Variants in CLIC5 observed in about 807,000 individuals in gnomAD.
The protein encoded by CLIC5 is CLIC family member 5.
In CLIC5, 20 loss-of-function variants were observed where a neutral mutation model predicts 24.7. The observed-to-expected ratio is 0.81, with a 90% confidence interval of 0.57 to 1.18. The LOEUF (loss-of-function observed/expected upper bound fraction) is 1.18, where lower values mean the gene tolerates loss of function less well. Ranked by LOEUF, CLIC5 falls within the 50% of genes most tolerant of loss-of-function variation. The pLI, the probability that CLIC5 is intolerant of heterozygous loss-of-function variation, is 0.00. For missense variants in CLIC5, 341 were observed against 326.1 expected, an observed-to-expected ratio of 1.05 and a Z score of -0.35; for synonymous variants, 159 against 135.6, an observed-to-expected ratio of 1.17 and a Z score of -1.20.
intron 1 of CLIC5, among the ~76,000 whole-genome samples, chr6:46,057,135 C>A (rs1202264750): frequency 6.6e-6 from 1 of 152,178 alleles, no homozygotes; most frequent in Non-Finnish European, 1.5e-5. Flanking sequence ...TCTGAGCCTG[C>A]TAATTGGTCT....
intron 5 of CLIC5, among the ~76,000 whole-genome samples, chr6:45,907,700 C>T (rs985680695): frequency 1.3e-5 from 2 of 152,062 alleles, no homozygotes; most frequent in African/African-American, 4.8e-5. Flanking sequence ...GATTCAATTT[C>T]ATAACTCAAT....
intron 1 of CLIC5, among the ~76,000 whole-genome samples, chr6:46,004,599 A>C (rs1041167039): frequency 6.6e-6 from 1 of 152,214 alleles, no homozygotes; most frequent in Non-Finnish European, 1.5e-5. Context: ...TTGTTGTTTC[A>C]GCAGTTGACC....
At chr6:45,976,103 C>G (rs989219104) in intron 1 of CLIC5, among the ~76,000 whole-genome samples, 2 of 152,060 alleles carry the variant, frequency 1.3e-5, no homozygotes, top group Non-Finnish European at 2.9e-5. Context: ...CAAATGAGAC[C>G]ATGTGCATAG....
At chr6:45,952,656 G>T (rs1283948455) in intron 2 of CLIC5, among the ~76,000 whole-genome samples, 1 of 152,174 alleles carries the variant, frequency 6.6e-6, no homozygotes, top group Non-Finnish European at 1.5e-5. Context: ...CAGTAAGAAA[G>T]TTTCCTTATC....
chr6:45,954,818 A>C (rs531335929), intron 2 of CLIC5, among the ~76,000 whole-genome samples: 54 of 152,340 alleles, frequency 3.5e-4, no homozygotes, highest in African/African-American at 1.3e-3. Context: ...AGTACTACTG[A>C]AATGACTAAT....
upstream of CLIC5, among the ~76,000 whole-genome samples, chr6:46,084,026 G>C (rs376880783): frequency 3.2e-4 from 48 of 152,326 alleles, no homozygotes; most frequent in South Asian, 9.1e-3. Context: ...TTGCCATTAT[G>C]TAATGGCCTT....
In CLIC5 at chr6:46,015,460, G is replaced by T. The variant is rs188035743; in HGVS notation, c.63+20C>A. On this transcript the variant is annotated intron_variant, in intron 1 of 5. Transcript: ENST00000339561. ...GCGGGAGGCGCGGCAGGTGCGGCGGGAGACTGGACCCCGACCTACCTTCAC... is the reference window on the plus strand; with the variant it reads ...GCGGGAGGCGCGGCAGGTGCGGCGGTAGACTGGACCCCGACCTACCTTCAC... 22 of 1,503,040 alleles carry T rather than the reference G, an allele frequency of 1.5e-5. No individual in the cohort carries two copies. In the African/African-American group the frequency reaches 1.8e-4, roughly 13 times the overall value. 93.1% of individuals were successfully genotyped at this position (1,503,040 alleles called of 1,614,324 possible).
chr6:46,098,324 A>G, the CLIC5 span, among the ~76,000 whole-genome samples: 1 of 152,244 alleles, frequency 6.6e-6, no homozygotes, highest in Non-Finnish European at 1.5e-5. Flanking sequence ...GATTTCCAGT[A>G]GTAAGATTTC....
At chr6:45,891,422 G>A (rs1275743566) in intron 6 of CLIC5, among the ~76,000 whole-genome samples, 1 of 152,124 alleles carries the variant, frequency 6.6e-6, no homozygotes, top group Non-Finnish European at 1.5e-5. Context: ...TGGATCATGA[G>A]GTCAAGAGAT....
chr6:45,908,766 T>G (rs1244194226), intron 5 of CLIC5, among the ~76,000 whole-genome samples: 1 of 152,210 alleles, frequency 6.6e-6, no homozygotes, highest in Non-Finnish European at 1.5e-5. Context: ...GGGTGGAGTA[T>G]TCAGTAGATG....
the CLIC5 span, among the ~76,000 whole-genome samples, chr6:46,086,665 C>A: frequency 1.3e-5 from 2 of 152,190 alleles, no homozygotes; most frequent in African/African-American, 2.4e-5. Flanking sequence ...GTTCAATCCA[C>A]AACCATTTAA....
intron 4 of CLIC5, among the ~76,000 whole-genome samples, chr6:45,936,017 G>T (rs1763918015): frequency 6.6e-6 from 1 of 151,878 alleles, no homozygotes; most frequent in Admixed American, 6.6e-5. Flanking sequence ...TCCCTGGCTA[G>T]TCCTTCTTTC....
chr6:46,091,349 G>A, the CLIC5 span, among the ~76,000 whole-genome samples: 1 of 152,210 alleles, frequency 6.6e-6, no homozygotes, highest in African/African-American at 2.4e-5. Flanking sequence ...TCATGTGGTA[G>A]TATTTGTTTT....
At chr6:46,081,353 A>C (rs1458247290), upstream of CLIC5, among the ~76,000 whole-genome samples, 1 of 152,202 alleles carries the variant, frequency 6.6e-6, no homozygotes, top group Non-Finnish European at 1.5e-5. Flanking sequence ...TTTAATGTCT[A>C]GAAATCATGT....
chr6:46,038,055 C>T (rs1249269917), intron 1 of CLIC5, among the ~76,000 whole-genome samples: 4 of 152,054 alleles, frequency 2.6e-5, no homozygotes, highest in African/African-American at 9.7e-5. Context: ...CTAATACTGG[C>T]TTATTATCTG....
chr6:45,887,928 G>A lies in CLIC5; in HGVS notation c.624-6740C>T, dbSNP rs79687337. Among the ~76,000 whole-genome samples the A allele has an allele frequency of 3.7e-4, 56 of 152,324 alleles. 1 individual carries two copies. In the East Asian group the frequency reaches 9.3e-3, roughly 25 times the overall value. ...AAAGGAGGAAGAAAAATCAATGAAT[G>A]TTAATGGACTAAATTTTCAAACATC... is the stretch of plus-strand genomic sequence containing the variant. On this transcript the variant is annotated intron_variant, in intron 6 of 6. Transcript: ENST00000644324.
At chr6:45,907,358 G>A (rs1018001519) in intron 5 of CLIC5, among the ~76,000 whole-genome samples, 5 of 152,168 alleles carry the variant, frequency 3.3e-5, no homozygotes, top group Non-Finnish European at 5.9e-5. Context: ...AACCAACCAT[G>A]CATCCTAAGA....
At chr6:46,015,972 C>T (rs1766990400), upstream of CLIC5, 2 of 898,472 alleles carry the variant, frequency 2.2e-6, no homozygotes, top group Non-Finnish European at 2.7e-6. Context: ...CGGGCCACGG[C>T]CCCCCGCCCC....
At chr6:46,105,517 T>C in the CLIC5 span, among the ~76,000 whole-genome samples, 1 of 152,220 alleles carries the variant, frequency 6.6e-6, no homozygotes, top group Non-Finnish European at 1.5e-5. Flanking sequence ...AATTATTTTA[T>C]TTAATTCTCC....
Sources: gnomAD v4.1 joint callset for allele counts (sites outside exome capture counted in the v4.1 genomes callset) on GRCh38, gnomAD v4.1.1 for gene constraint, MANE v1.5 for transcripts, NCBI Gene and HGNC (gene_info 2026-07-23, HGNC 2026-07-21) for gene names.